Variants in CACNA2D3 observed in about 807,000 individuals in gnomAD.
CACNA2D3 encodes the protein calcium voltage-gated channel auxiliary subunit alpha2delta 3.
A neutral mutation model predicts 160.6 loss-of-function variants in CACNA2D3; 60 were observed. The ratio of observed to expected loss-of-function variants is 0.37; its 90% CI spans 0.30 to 0.46. The LOEUF (loss-of-function observed/expected upper bound fraction) is 0.46, where lower values mean the gene tolerates loss of function less well. Among genes scored for constraint, CACNA2D3 ranks in the 20% least tolerant of loss-of-function variants. The probability of loss-of-function intolerance (pLI) is 1.00; values close to 1 mark genes in which losing one functional copy is unlikely to be tolerated. For missense variants in CACNA2D3, 1,205 were observed against 1,365.0 expected (o/e 0.88, Z 1.85); for synonymous variants, 558 against 492.9 (o/e 1.13, Z -1.75).
Position 54,468,215 on chromosome 3 carries a change from A to T in CACNA2D3, c.382-35277A>T, listed in dbSNP as rs1375164331. Among the ~76,000 whole-genome samples, 4 of 152,206 alleles carry T rather than the reference A, an allele frequency of 2.6e-5. No homozygotes were observed. The East Asian group carries it at 7.7e-4, about 29-fold the overall frequency. On this transcript the variant is annotated intron_variant, in intron 4 of 37. Coordinates refer to ENST00000474759, the MANE Select transcript of CACNA2D3 (RefSeq NM_018398.3). ...AACGTAGAAGGCGGGTGATTTCTGC[A>T]TTTCCAACTGAGGTACCAAGTCATC...
chr3:54,505,371 C>A (rs1701352778), intron 5 of CACNA2D3, among the ~76,000 whole-genome samples: 1 of 152,100 alleles, frequency 6.6e-6, no homozygotes, highest in African/African-American at 2.4e-5. Flanking sequence ...TGGGCAGGGC[C>A]ACAGTTCATC....
chr3:54,273,869 C>A (rs1450206599), intron 2 of CACNA2D3, among the ~76,000 whole-genome samples: 1 of 152,124 alleles, frequency 6.6e-6, no homozygotes, highest in Non-Finnish European at 1.5e-5. Flanking sequence ...GCTAGATGGC[C>A]TTATCTCTAG....
intron 14 of CACNA2D3, among the ~76,000 whole-genome samples, chr3:54,829,885 C>CTTTTTTTTTTTTTTTTTTT (rs58291013): frequency 1.6e-5 from 1 of 64,352 alleles, no homozygotes; most frequent in African/African-American, 6.3e-5. Flanking sequence ...TCTTCTTCAT[C>CTTTTTTTTTTTTTTTTTTT]TTTTTTTTTT....
intron 4 of CACNA2D3, among the ~76,000 whole-genome samples, chr3:54,444,434 T>A (rs1700190131): frequency 6.6e-6 from 1 of 152,214 alleles, no homozygotes; most frequent in South Asian, 2.1e-4. Context: ...GTTGCCATAA[T>A]CAGTGTCTTT....
At chr3:55,051,123 C>G (rs937475572) in intron 35 of CACNA2D3, among the ~76,000 whole-genome samples, 1 of 152,120 alleles carries the variant, frequency 6.6e-6, no homozygotes, top group Non-Finnish European at 1.5e-5. Context: ...CATTCTCCAT[C>G]CAGCTTTGTT....
At chr3:54,407,437 A>G (rs1699596699) in intron 4 of CACNA2D3, among the ~76,000 whole-genome samples, 2 of 152,210 alleles carry the variant, frequency 1.3e-5, no homozygotes, top group African/African-American at 4.8e-5. Flanking sequence ...GCAGGTGGAC[A>G]CAGTGTCTTC....
intron 11 of CACNA2D3, among the ~76,000 whole-genome samples, chr3:54,737,182 ATGTGTGTGTG>A (rs4025817): frequency 1.7e-3 from 254 of 147,582 alleles, no homozygotes; most frequent in East Asian, 9.6e-3. Flanking sequence ...CCATGTGTAT[ATGTGTGTGTG>A]TGTGTGTGTG....
At chr3:54,531,986 G>C (rs765837893) in intron 5 of CACNA2D3, among the ~76,000 whole-genome samples, 16 of 152,116 alleles carry the variant, frequency 1.1e-4, no homozygotes, top group Non-Finnish European at 2.1e-4. Flanking sequence ...GCCTCTCCGC[G>C]AGCCCACACT....
At chr3:54,957,381 T>C (rs1186538484) in intron 27 of CACNA2D3, among the ~76,000 whole-genome samples, 1 of 152,162 alleles carries the variant, frequency 6.6e-6, no homozygotes, top group Non-Finnish European at 1.5e-5. Context: ...ACTCCTGGCT[T>C]CAAGCAGTCA....
At chr3:54,622,129 C>G (rs1306577559) in intron 9 of CACNA2D3, among the ~76,000 whole-genome samples, 2 of 152,174 alleles carry the variant, frequency 1.3e-5, no homozygotes, top group African/African-American at 4.8e-5. Context: ...CTCACTACCC[C>G]ACCCACTACT....
chr3:54,519,790 A>T (rs897906802), intron 5 of CACNA2D3, among the ~76,000 whole-genome samples: 3 of 152,222 alleles, frequency 2.0e-5, no homozygotes, highest in African/African-American at 7.2e-5. Flanking sequence ...ATATTAGCTC[A>T]GCTGACAGAA....
intron 17 of CACNA2D3, among the ~76,000 whole-genome samples, chr3:54,865,287 A>G (rs1159903866): frequency 6.6e-6 from 1 of 152,204 alleles, no homozygotes; most frequent in Non-Finnish European, 1.5e-5. Flanking sequence ...TATACTTTTC[A>G]TTATTTTCCA....
chr3:54,460,569 C>T (rs1202674156), intron 4 of CACNA2D3, among the ~76,000 whole-genome samples: 6 of 152,134 alleles, frequency 3.9e-5, no homozygotes, highest in African/African-American at 1.4e-4. Context: ...TGATTTGGCT[C>T]TCTGTTTGTC....
chr3:54,702,571 TGTC>T lies in CACNA2D3; in HGVS notation c.1168-50027_1168-50025del, dbSNP rs554439491. 5.3e-5 allele frequency among the ~76,000 whole-genome samples: 8 copies of T among 152,284 alleles called. No individual in the cohort carries two copies. The South Asian group carries it at 1.7e-3, about 32-fold the overall frequency. ...ATACCATCTCACCAGTCAGAATGGC[TGTC>T]ATTAAAAAGTTTAAAAATAACAGAT... is the stretch of plus-strand genomic sequence containing the variant. On this transcript the variant is annotated intron_variant, in intron 11 of 37. Transcript: ENST00000474759.
chr3:54,244,012 G>GA (rs1168947384), intron 2 of CACNA2D3, among the ~76,000 whole-genome samples: 2 of 152,204 alleles, frequency 1.3e-5, no homozygotes, highest in Non-Finnish European at 2.9e-5. Context: ...TCCTGTGCTG[G>GA]AAACAGACCT....
chr3:54,317,183 G>A (rs1703882749), intron 2 of CACNA2D3, among the ~76,000 whole-genome samples: 1 of 152,170 alleles, frequency 6.6e-6, no homozygotes, highest in Non-Finnish European at 1.5e-5. Context: ...TTTGAACTTA[G>A]GAATAGTCTC....
rs147962225 is a variant in CACNA2D3 at position 54,721,489 on chromosome 3, G to A, written c.1168-31110G>A. 6.3e-3 allele frequency among the ~76,000 whole-genome samples: 959 copies of A among 152,122 alleles called. 6 individuals are homozygous for A. The highest frequency in any genetic ancestry group is 9.0e-3 in the Non-Finnish European group (610 of 67,996). ...AAGATATGTTCTGTTGACTGGGCACGGTGGCTCACACCTGTAATCCCAGCA... is the reference window on the plus strand; with the variant it reads ...AAGATATGTTCTGTTGACTGGGCACAGTGGCTCACACCTGTAATCCCAGCA... On this transcript the variant is annotated intron_variant, in intron 11 of 37. Transcript: ENST00000474759.
At chr3:54,172,013 GCTCT>G (rs1304533383) in intron 2 of CACNA2D3, among the ~76,000 whole-genome samples, 1 of 152,184 alleles carries the variant, frequency 6.6e-6, no homozygotes, top group Non-Finnish European at 1.5e-5. Flanking sequence ...CAAAGAGAAA[GCTCT>G]CTCTTATTTC....
intron 10 of CACNA2D3, 74 bp from the exon 11 acceptor site, chr3:54,642,054 C>T: frequency 1.1e-6 from 1 of 899,532 alleles, no homozygotes; most frequent in Non-Finnish European, 1.7e-6. Context: ...TCCCAGGTCT[C>T]ATGTCTCTGA....
Sources: allele counts gnomAD v4.1 joint callset (sites outside exome capture counted in the v4.1 genomes callset), GRCh38; gene constraint gnomAD v4.1.1; transcripts MANE v1.5; gene names NCBI Gene and HGNC (gene_info 2026-07-23, HGNC 2026-07-21).